BZW2: variants seen among roughly 807,000 people sequenced by gnomAD.
BZW2 encodes basic leucine zipper and W2 domains 2.
A neutral mutation model predicts 53.2 loss-of-function variants in BZW2; 23 were observed. The observed-to-expected ratio is 0.43, with a 90% CI of 0.31 to 0.61. The LOEUF is 0.61. Among genes scored for constraint, BZW2 ranks in the 20% least tolerant of loss-of-function variants. The pLI is 0.09. For missense variants in BZW2, 409 were observed against 503.1 expected (o/e 0.81, Z 1.79); for synonymous variants, 227 against 186.4 (o/e 1.22, Z -1.77).
chr7:16,706,180 TTCGCA>T lies in BZW2; in HGVS notation c.*93_*97del, dbSNP rs1783850252. The T allele has an allele frequency of 1.4e-6, 2 of 1,413,538 alleles. No homozygotes were observed. The highest frequency in any genetic ancestry group is 2.0e-6 in the Non-Finnish European group (2 of 1,018,946). 87.6% of individuals were successfully genotyped at this position (1,413,538 alleles called of 1,614,324 possible). A position where few individuals can be genotyped will look rare whatever the true frequency, so the allele number is the denominator to read the frequency against. The stretch of plus-strand genomic sequence containing the variant: ...TGAGAAGAGAAACTTGGCTTCTGTT[TTCGCA>T]AAGGAAAAAAAAAATAGGATAGGCT... On this transcript the variant is annotated 3_prime_UTR_variant, in exon 12 of 12. Transcript: ENST00000258761.
chr7:16,676,520 A>G (rs547117642), intron 3 of BZW2, among the ~76,000 whole-genome samples: 2 of 152,288 alleles, frequency 1.3e-5, no homozygotes, highest in African/African-American at 4.8e-5. Flanking sequence ...TGCGATCTTC[A>G]AAAGGAACAT....
Position 16,706,049 on chromosome 7 carries a change from T to C in BZW2, c.1232-11T>C. The C allele has an allele frequency of 6.2e-7, 1 of 1,613,846 alleles. No homozygotes were observed. ...TGGGAGGAAATATCTCACTTCTTTC[T>C]TCTCTCCTAGAATCCGAATCGGAAG... On this transcript the variant is annotated splice_polypyrimidine_tract_variant and intron_variant, in intron 11 of 11. Transcript: ENST00000258761.
chr7:16,683,627 A>C (rs1783022539), intron 5 of BZW2, among the ~76,000 whole-genome samples: 1 of 152,230 alleles, frequency 6.6e-6, no homozygotes, highest in Non-Finnish European at 1.5e-5. Flanking sequence ...CTCATCAGTG[A>C]AATCCACAGT....
intron 1 of BZW2, 67 bp from the exon 2 acceptor site, chr7:16,665,370 T>G: frequency 6.3e-7 from 1 of 1,582,144 alleles, no homozygotes; most frequent in South Asian, 1.1e-5. Context: ...ACCAAACTTA[T>G]TGGCCATATG....
chr7:16,661,881 G>A (rs1352515591), intron 1 of BZW2, among the ~76,000 whole-genome samples: 2 of 152,106 alleles, frequency 1.3e-5, no homozygotes, highest in Non-Finnish European at 2.9e-5. Flanking sequence ...CCACCATGGG[G>A]ATTTGTCTCT....
At chr7:16,650,973 A>G (rs1781971903) in intron 1 of BZW2, among the ~76,000 whole-genome samples, 1 of 152,236 alleles carries the variant, frequency 6.6e-6, no homozygotes. Flanking sequence ...TGTTCTCATT[A>G]TTCTTTCTTG....
chr7:16,663,468 C>T (rs697513), intron 1 of BZW2, among the ~76,000 whole-genome samples: 86,820 of 151,198 alleles, frequency 0.57, 25,354 homozygotes, highest in African/African-American at 0.69. Flanking sequence ...ATTAGTTTCT[C>T]TTCTAAAATA....
At chr7:16,694,273 T>C (rs1443256626) in intron 7 of BZW2, among the ~76,000 whole-genome samples, 1 of 152,190 alleles carries the variant, frequency 6.6e-6, no homozygotes, top group Admixed American at 6.5e-5. Context: ...CTATTACTTA[T>C]AACAGAATAC....
intron 4 of BZW2, among the ~76,000 whole-genome samples, chr7:16,681,948 T>C (rs1288046183): frequency 6.6e-6 from 1 of 152,214 alleles, no homozygotes; most frequent in East Asian, 1.9e-4. Context: ...TGTTAAGGAA[T>C]ATGTAAGTAT....
chr7:16,659,367 A>G, intron 1 of BZW2, among the ~76,000 whole-genome samples: 1 of 152,214 alleles, frequency 6.6e-6, no homozygotes. Flanking sequence ...CATGATAAGG[A>G]TATTAAACAA....
At chr7:16,693,245 T>TA (rs992223029) in intron 7 of BZW2, among the ~76,000 whole-genome samples, 2 of 152,096 alleles carry the variant, frequency 1.3e-5, no homozygotes, top group African/African-American at 4.8e-5. Flanking sequence ...ATGGTTTCTC[T>TA]AAAAAAATAC....
At chr7:16,697,146 G>A in intron 9 of BZW2, 85 bp downstream of exon 9, 1 of 1,472,318 alleles carries the variant, frequency 6.8e-7, no homozygotes, top group Non-Finnish European at 9.1e-7. Context: ...TGAGAGTGCA[G>A]TGGCACGATC....
chr7:16,678,116 G>A (rs1275992854), intron 3 of BZW2, among the ~76,000 whole-genome samples: 1 of 75,908 alleles, frequency 1.3e-5, no homozygotes, highest in African/African-American at 5.4e-5. Flanking sequence ...TTTTTTTAAT[G>A]CTGTCGCCCA....
intron 10 of BZW2, among the ~76,000 whole-genome samples, chr7:16,701,734 C>T (rs1783674005): frequency 1.3e-5 from 2 of 152,080 alleles, no homozygotes; most frequent in African/African-American, 4.8e-5. Context: ...ATTCCTTAAA[C>T]GTGTGTTGAA....
At chr7:16,663,601 T>C (rs752938044) in intron 1 of BZW2, among the ~76,000 whole-genome samples, 6 of 152,046 alleles carry the variant, frequency 3.9e-5, no homozygotes, top group Non-Finnish European at 8.8e-5. Context: ...CTTAAGGATT[T>C]TTTAAAAAAA....
intron 5 of BZW2, 52 bp downstream of exon 5, chr7:16,682,897 G>T: frequency 7.7e-7 from 1 of 1,306,688 alleles, no homozygotes; most frequent in Admixed American, 2.3e-5. Context: ...ACATGGGGGT[G>T]GATAAAAATT....
At position 16,646,219 on chromosome 7, in the gene BZW2, T is replaced by TGCTGCC. The variant is rs1195733093; in HGVS notation, c.-71_-66dup. The TGCTGCC allele has an allele frequency of 1.2e-5, 4 of 344,598 alleles. No individual in the cohort carries two copies. The highest frequency in any genetic ancestry group is 2.1e-5 in the South Asian group (1 of 47,086). 21.3% of individuals were successfully genotyped at this position (344,598 alleles called of 1,614,324 possible). ...CTGCCGCCACTGCTGCTGCTGCTGC[T>TGCTGCC]GCTGCCGCTGCTGCTGCACGAATCG... On this transcript the variant is annotated 5_prime_UTR_variant, in exon 1 of 12. Coordinates refer to ENST00000258761, the MANE Select transcript of BZW2 (RefSeq NM_014038.3).
chr7:16,685,864 CTTTTTCTTTTTCTTTTTTTTTTTTTT>C lies in BZW2; in HGVS notation c.406-35_406-10del. On this transcript the variant is annotated splice_polypyrimidine_tract_variant and intron_variant, in intron 5 of 11. Coordinates refer to ENST00000258761, the MANE Select transcript of BZW2 (RefSeq NM_014038.3). The stretch of plus-strand genomic sequence containing the variant: ...TCATAGACATGGTTCCTTTTTTTTT[CTTTTTCTTTTTCTTTTTTTTTTTTTT>C]TTTTTGACCCACAGCTTCTCCTCTT... 6.9e-7 allele frequency: 1 copy of C among 1,449,090 alleles called. No homozygotes were observed. The highest frequency in any genetic ancestry group is 9.0e-7 in the Non-Finnish European group (1 of 1,107,070). 89.8% of individuals were successfully genotyped at this position (1,449,090 alleles called of 1,614,324 possible). A position where few individuals can be genotyped will look rare whatever the true frequency, so the allele number is the denominator to read the frequency against.
At chr7:16,700,925 A>AC (rs1274393602) in intron 10 of BZW2, 5 of 152,122 alleles carry the variant, frequency 3.3e-5, no homozygotes, top group African/African-American at 1.2e-4. Context: ...GCACACACAA[A>AC]CATATACATG....
Sources: allele counts gnomAD v4.1 joint callset (sites outside exome capture counted in the v4.1 genomes callset), GRCh38; gene constraint gnomAD v4.1.1; transcripts MANE v1.5; gene names NCBI Gene and HGNC (gene_info 2026-07-23, HGNC 2026-07-21).